Variants in LARP1 observed in about 807,000 individuals in gnomAD.
The protein encoded by LARP1 is la-related protein 1.
Under a neutral mutation model 122.7 loss-of-function variants are expected in LARP1, and 36 were observed. The ratio of observed to expected loss-of-function variants is 0.29; its 90% CI spans 0.22 to 0.39. The LOEUF (loss-of-function observed/expected upper bound fraction) is 0.39. Ranked by LOEUF, LARP1 falls within the 10% of genes least tolerant of loss-of-function variation. The pLI, the probability that LARP1 is intolerant of heterozygous loss-of-function variation, is 1.00. For missense variants in LARP1, 1,040 were observed against 1,403.6 expected (o/e 0.74, Z 4.14); for synonymous variants, 539 against 528.7 (o/e 1.02, Z -0.27).
chr5:154,701,856 C>T (rs945277866), intron 1 of LARP1, among the ~76,000 whole-genome samples: 2 of 152,056 alleles, frequency 1.3e-5, no homozygotes, highest in South Asian at 2.1e-4. Flanking sequence ...TGCCTGACCT[C>T]GTGATCCACC....
intron 1 of LARP1, among the ~76,000 whole-genome samples, chr5:154,783,377 A>G (rs948670623): frequency 2.6e-5 from 4 of 152,046 alleles, no homozygotes; most frequent in African/African-American, 9.7e-5. Context: ...AGGCACTTCC[A>G]ACCACCGAGG....
Position 154,816,817 on chromosome 5 carries a change from A to G in LARP1, c.*2721A>G, listed in dbSNP as rs1759699776. ...TGCCAACATAACCTCTGGGCATCAGACATCAGCAGGTCTGTGTGCCTCAGC... is the reference window on the plus strand; with the variant it reads ...TGCCAACATAACCTCTGGGCATCAGGCATCAGCAGGTCTGTGTGCCTCAGC... On this transcript the variant is annotated 3_prime_UTR_variant, in exon 19 of 19. Transcript: ENST00000518297. The G allele has an allele frequency of 6.6e-6, 1 of 152,174 alleles. No individual in the cohort carries two copies. The highest frequency in any genetic ancestry group is 2.4e-5 in the African/African-American group (1 of 41,418). The allele number at this position is 152,174 out of a possible 1,614,324, so 9.4% of individuals were successfully genotyped here.
At position 154,814,223 on chromosome 5, in the gene LARP1, T is replaced by C; in HGVS notation, c.*127T>C. 1.1e-6 allele frequency: 1 copy of C among 945,582 alleles called. No individual in the cohort carries two copies. The highest frequency in any genetic ancestry group is 1.6e-6 in the Non-Finnish European group (1 of 618,244). The allele number at this position is 945,582 out of a possible 1,614,324, so 58.6% of individuals were successfully genotyped here. ...CTGGAGTTACTAGGACAGGCCTTTG[T>C]GCTGAGTAGCAATGTATACACCATT... On this transcript the variant is annotated 3_prime_UTR_variant, in exon 19 of 19. Transcript: ENST00000518297.
chr5:154,740,271 T>TA (rs1757157996), intron 1 of LARP1, among the ~76,000 whole-genome samples: 1 of 150,966 alleles, frequency 6.6e-6, no homozygotes, highest in Non-Finnish European at 1.5e-5. Context: ...CACATGCGTG[T>TA]AATCCCAGCT....
At chr5:154,717,892 C>CA in intron 1 of LARP1, among the ~76,000 whole-genome samples, 1 of 152,056 alleles carries the variant, frequency 6.6e-6, no homozygotes, top group Admixed American at 6.6e-5. Context: ...CACACACACA[C>CA]CTATGGGTTA....
chr5:154,795,134 C>G (rs1757644285), intron 7 of LARP1, 41 bp from the exon 8 acceptor site: 2 of 1,601,154 alleles, frequency 1.2e-6, no homozygotes, highest in African/African-American at 1.3e-5. Context: ...AAAACTGATG[C>G]ACCAATCCCT....
At chr5:154,736,720 C>A (rs1322754875) in intron 1 of LARP1, among the ~76,000 whole-genome samples, 2 of 151,748 alleles carry the variant, frequency 1.3e-5, no homozygotes, top group Non-Finnish European at 2.9e-5. Flanking sequence ...TATGTGCCAT[C>A]ACGTCTGGCT....
At chr5:154,760,199 A>C (rs1582313951) in intron 1 of LARP1, among the ~76,000 whole-genome samples, 1 of 151,964 alleles carries the variant, frequency 6.6e-6, no homozygotes, top group African/African-American at 2.4e-5. Flanking sequence ...TGGCCTCCCA[A>C]AGTTTTGGGT....
intron 1 of LARP1, among the ~76,000 whole-genome samples, chr5:154,715,007 G>A (rs759276326): frequency 6.6e-5 from 10 of 151,982 alleles, no homozygotes; most frequent in East Asian, 2.0e-4. Context: ...GTGAAACTCC[G>A]TCTCTACTAA....
At chr5:154,775,121 C>T (rs1435552040) in intron 1 of LARP1, among the ~76,000 whole-genome samples, 1 of 152,004 alleles carries the variant, frequency 6.6e-6, no homozygotes, top group Non-Finnish European at 1.5e-5. Context: ...CTAGCTTGGA[C>T]AAGATGGCAA....
intron 8 of LARP1, among the ~76,000 whole-genome samples, chr5:154,795,858 T>TATATACATTTATATATAAA (rs1375443380): frequency 7.4e-6 from 1 of 134,764 alleles, no homozygotes; most frequent in South Asian, 2.1e-4. Flanking sequence ...ATATATATTT[T>TATATACATTTATATATAAA]ATATACATTT....
At position 154,805,965 on chromosome 5, in the gene LARP1, T is replaced by C. The variant is rs368753988; in HGVS notation, c.2631T>C (p.His877=). 3.7e-6 allele frequency: 6 copies of C among 1,614,064 alleles called. No homozygotes were observed. Among genetic ancestry groups the C allele is most frequent in the Non-Finnish European group, 4.2e-6 (5 of 1,180,038 alleles). The change falls in exon 15 of 19, where the codon CAT becomes CAC. Residue 877 remains histidine, a synonymous_variant. Coordinates refer to ENST00000518297, the MANE Select transcript of LARP1 (RefSeq NM_033551.3). ...TGCCCAAGTTCCAGCATCCTTCCCATGAACTGCTCAAGGAAAATGGCTTCA... is the reference window on the plus strand; with the variant it reads ...TGCCCAAGTTCCAGCATCCTTCCCACGAACTGCTCAAGGAAAATGGCTTCA... ...QSLPKFQHPS[H]ELLKENGFTQ...
chr5:154,695,972 G>A (rs1754453863), intron 1 of LARP1, among the ~76,000 whole-genome samples: 1 of 152,190 alleles, frequency 6.6e-6, no homozygotes, highest in Non-Finnish European at 1.5e-5. Flanking sequence ...TTGCCATTCA[G>A]ATGACAGATT....
At chr5:154,717,881 A>G (rs907047051) in intron 1 of LARP1, among the ~76,000 whole-genome samples, 2 of 152,048 alleles carry the variant, frequency 1.3e-5, no homozygotes, top group African/African-American at 4.8e-5. Context: ...ATATACACAC[A>G]CACACACACA....
intron 1 of LARP1, among the ~76,000 whole-genome samples, chr5:154,689,564 G>A (rs1378330047): frequency 6.6e-6 from 1 of 150,884 alleles, no homozygotes; most frequent in Non-Finnish European, 1.5e-5. Flanking sequence ...AGGTTGCAGT[G>A]AGCTGAGATC....
intron 1 of LARP1, among the ~76,000 whole-genome samples, chr5:154,700,138 A>C (rs988349192): frequency 6.6e-6 from 1 of 152,242 alleles, no homozygotes; most frequent in African/African-American, 2.4e-5. Flanking sequence ...CAGGTGCAAA[A>C]AAATGCAGTA....
At chr5:154,685,064 T>C (rs1753861534) in intron 1 of LARP1, among the ~76,000 whole-genome samples, 2 of 152,120 alleles carry the variant, frequency 1.3e-5, no homozygotes, top group South Asian at 4.1e-4. Flanking sequence ...ACCAACATGG[T>C]GAAACTTCGT....
At chr5:154,786,598 A>G (rs1027594808) in intron 1 of LARP1, 18 of 412,062 alleles carry the variant, frequency 4.4e-5, no homozygotes, top group Admixed American at 2.5e-4. Flanking sequence ...TGCTGGGCCC[A>G]GTCATCAGTA....
At chr5:154,768,802 G>T (rs1755166378) in intron 1 of LARP1, among the ~76,000 whole-genome samples, 1 of 152,096 alleles carries the variant, frequency 6.6e-6, no homozygotes, top group African/African-American at 2.4e-5. Flanking sequence ...GGCTGGTCTT[G>T]GAACTTCTGA....
Sources: allele counts gnomAD v4.1 joint callset (sites outside exome capture counted in the v4.1 genomes callset), GRCh38; gene constraint gnomAD v4.1.1; transcripts MANE v1.5; gene names NCBI Gene and HGNC (gene_info 2026-07-23, HGNC 2026-07-21).